The following FAM184A variants were observed in gnomAD, a reference collection of about 807,000 sequenced individuals.
The protein encoded by FAM184A is protein FAM184A.
Under a neutral mutation model 143.8 loss-of-function variants are expected in FAM184A, and 99 were observed. That is an observed-to-expected ratio of 0.69 (90% CI 0.58 to 0.81). FAM184A has a LOEUF of 0.81. Among genes scored for constraint, FAM184A ranks in the 40% least tolerant of loss-of-function variants. The pLI, the probability that FAM184A is intolerant of heterozygous loss-of-function variation, is 0.00. For missense variants in FAM184A, 1,217 were observed against 1,310.5 expected, an observed-to-expected ratio of 0.93 and a Z score of 1.10; for synonymous variants, 427 against 446.4, an observed-to-expected ratio of 0.96 and a Z score of 0.55.
At chr6:119,091,850 A>T (rs1265340575) in intron 1 of FAM184A, among the ~76,000 whole-genome samples, 5 of 152,184 alleles carry the variant, frequency 3.3e-5, no homozygotes, top group Non-Finnish European at 7.4e-5. Context: ...AACTTTGTAG[A>T]TACAGTAGCT....
At chr6:118,988,491 AT>A (rs1784260239) in intron 9 of FAM184A, among the ~76,000 whole-genome samples, 1 of 152,218 alleles carries the variant, frequency 6.6e-6, no homozygotes. Flanking sequence ...TATTCAAAGC[AT>A]TATGCCCACT....
At chr6:119,136,507 T>A (rs534848415) in intron 1 of FAM184A, among the ~76,000 whole-genome samples, 20 of 152,262 alleles carry the variant, frequency 1.3e-4, no homozygotes, top group African/African-American at 4.3e-4. Flanking sequence ...ACTGAGAGTT[T>A]TTTGGGTGGA....
intron 17 of FAM184A, chr6:118,960,773 T>G: frequency 7.3e-7 from 1 of 1,363,962 alleles, no homozygotes; most frequent in Non-Finnish European, 9.8e-7. Context: ...CCCTACCGTC[T>G]TTGGGGAAAA....
In FAM184A at chr6:119,077,636, T is replaced by A. The variant is rs547004472; in HGVS notation, c.159+505A>T. ...ACATTTTGTCAGGATAAGGAATGAC[T>A]CATTAAATGCCCCAAATTGGCACTC... On this transcript the variant is annotated intron_variant, in intron 1 of 17. Coordinates refer to ENST00000338891, the MANE Select transcript of FAM184A (RefSeq NM_024581.6). Among the ~76,000 whole-genome samples the A allele has an allele frequency of 2.6e-5, 4 of 152,332 alleles. No individual in the cohort carries two copies. In the South Asian group the frequency reaches 8.3e-4, roughly 32 times the overall value.
intron 1 of FAM184A, among the ~76,000 whole-genome samples, chr6:119,124,339 C>T (rs1789300745): frequency 6.6e-6 from 1 of 152,128 alleles, no homozygotes; most frequent in Non-Finnish European, 1.5e-5. Flanking sequence ...GTAAGTTCAA[C>T]AACTTTTATT....
At chr6:119,034,527 G>A (rs552353292) in intron 1 of FAM184A, among the ~76,000 whole-genome samples, 78 of 149,742 alleles carry the variant, frequency 5.2e-4, no homozygotes, top group Non-Finnish European at 7.4e-4. Flanking sequence ...ATCCCACATT[G>A]TATTGAGTCG....
Position 119,059,689 on chromosome 6 carries a change from T to C in FAM184A, c.159+18452A>G, listed in dbSNP as rs138155688. Among the ~76,000 whole-genome samples, 899 of 152,308 alleles carry C rather than the reference T, an allele frequency of 5.9e-3. 6 individuals carry two copies. Among genetic ancestry groups the C allele is most frequent in the Non-Finnish European group, 0.01 (682 of 68,020 alleles). On this transcript the variant is annotated intron_variant, in intron 1 of 17. Transcript: ENST00000338891. ...CATAATTACTTGAAGCAAAATGCTG[T>C]GCACCCAACTATAAACATCATAAGT...
chr6:119,050,561 C>T (rs2114745355), intron 1 of FAM184A, among the ~76,000 whole-genome samples: 1 of 152,010 alleles, frequency 6.6e-6, no homozygotes, highest in Admixed American at 6.5e-5. Context: ...AATCCCAGCA[C>T]TTTGGGAGGC....
In FAM184A at chr6:118,962,006, G is replaced by A. The variant is rs1351587584; in HGVS notation, c.3139-43C>T. 2.5e-6 allele frequency: 4 copies of A among 1,571,084 alleles called. No individual in the cohort carries two copies. The Admixed American group carries it at 5.0e-5, about 20-fold the overall frequency. On this transcript the variant is annotated intron_variant, in intron 16 of 17. Transcript: ENST00000338891. ...CATGTGAGGATAGTCCCTGCATGAG[G>A]ACAAATGAGAAAATAGGAATGGTAG...
At chr6:119,099,728 G>A (rs1474146124) in intron 1 of FAM184A, among the ~76,000 whole-genome samples, 1 of 152,070 alleles carries the variant, frequency 6.6e-6, no homozygotes, top group Admixed American at 6.5e-5. Context: ...GGAGCTTTCA[G>A]ATAGCTTAAT....
chr6:119,076,086 G>A (rs925680861), intron 1 of FAM184A, among the ~76,000 whole-genome samples: 1 of 152,134 alleles, frequency 6.6e-6, no homozygotes, highest in South Asian at 2.1e-4. Context: ...GTAATACCTG[G>A]AGGCATGTTT....
chr6:119,085,026 G>T (rs1788179770), intron 1 of FAM184A, among the ~76,000 whole-genome samples: 1 of 152,208 alleles, frequency 6.6e-6, no homozygotes, highest in African/African-American at 2.4e-5. Flanking sequence ...GATGGGAGAG[G>T]TTACCTTCAA....
chr6:119,067,304 T>C (rs58931041), intron 1 of FAM184A, among the ~76,000 whole-genome samples: 2,562 of 152,274 alleles, frequency 0.017, 72 homozygotes, highest in African/African-American at 0.058. Flanking sequence ...GTCACACTCA[T>C]GTGAGGGTGT....
chr6:118,976,330 G>T (rs1042603178), intron 11 of FAM184A, among the ~76,000 whole-genome samples: 3 of 152,066 alleles, frequency 2.0e-5, no homozygotes, highest in Non-Finnish European at 2.9e-5. Context: ...AGTGCTAATG[G>T]AGATGAAGTA....
intron 1 of FAM184A, among the ~76,000 whole-genome samples, chr6:119,072,795 G>T (rs1787738680): frequency 6.6e-6 from 1 of 151,974 alleles, no homozygotes; most frequent in African/African-American, 2.4e-5. Context: ...TTTTGAAGCA[G>T]TTTAAAGGGC....
At chr6:119,092,402 G>A (rs144225784) in intron 1 of FAM184A, among the ~76,000 whole-genome samples, 2 of 152,260 alleles carry the variant, frequency 1.3e-5, no homozygotes, top group African/African-American at 4.8e-5. Context: ...TTCACAACAT[G>A]TTGGGATTAC....
At chr6:118,969,533 C>T (rs1783605196) in intron 14 of FAM184A, among the ~76,000 whole-genome samples, 1 of 152,060 alleles carries the variant, frequency 6.6e-6, no homozygotes, top group Non-Finnish European at 1.5e-5. Context: ...GATACTATTC[C>T]GATATCCATT....
At chr6:119,041,906 C>A (rs1027406205) in intron 1 of FAM184A, among the ~76,000 whole-genome samples, 2 of 152,260 alleles carry the variant, frequency 1.3e-5, no homozygotes, top group East Asian at 3.9e-4. Context: ...ATAACACTCA[C>A]CGCATGGCCC....
At chr6:119,114,161 G>A (rs1032619875) in intron 1 of FAM184A, among the ~76,000 whole-genome samples, 1 of 152,114 alleles carries the variant, frequency 6.6e-6, no homozygotes, top group African/African-American at 2.4e-5. Context: ...TGAATAAGGG[G>A]TGCCTACACT....
Sources: gnomAD v4.1 joint callset for allele counts (sites outside exome capture counted in the v4.1 genomes callset) on GRCh38, gnomAD v4.1.1 for gene constraint, MANE v1.5 for transcripts, NCBI Gene and HGNC (gene_info 2026-07-23, HGNC 2026-07-21) for gene names.